ALK: variants seen among roughly 807,000 people sequenced by gnomAD.
ALK encodes the protein ALK tyrosine kinase receptor.
Under a neutral mutation model 163.1 loss-of-function variants are expected in ALK, and 74 were observed. The observed-to-expected ratio is 0.45, with a 90% CI of 0.38 to 0.55. ALK has a LOEUF of 0.55. ALK is among the 20% of genes least tolerant of loss of function. ALK has a pLI of 0.00. For synonymous variants in ALK, 960 were observed against 843.2 expected (o/e 1.14, Z -2.40); for missense variants, 2,063 against 2,105.3 (o/e 0.98, Z 0.39).
chr2:29,310,331 A>G (rs1666662138), intron 8 of ALK, among the ~76,000 whole-genome samples: 1 of 152,176 alleles, frequency 6.6e-6, no homozygotes. Flanking sequence ...TGTAGGTGAA[A>G]TGCTTAGCAT....
At chr2:29,410,268 G>A (rs1669696465) in intron 4 of ALK, among the ~76,000 whole-genome samples, 1 of 151,992 alleles carries the variant, frequency 6.6e-6, no homozygotes, top group Admixed American at 6.5e-5. Context: ...TGAGATAGAT[G>A]CATATGTGAT....
At chr2:29,890,776 G>A (rs10201054) in intron 1 of ALK, 41,564 of 152,074 alleles carry the variant, frequency 0.27, 6,098 homozygotes, top group East Asian at 0.57. Flanking sequence ...GTAGCTAACC[G>A]TTCCCTTGCC....
intron 1 of ALK, among the ~76,000 whole-genome samples, chr2:29,855,503 C>T (rs549309607): frequency 6.6e-6 from 1 of 152,118 alleles, no homozygotes; most frequent in Non-Finnish European, 1.5e-5. Context: ...AAGATGAGAA[C>T]CTTGATTAAT....
chr2:29,510,205 A>T (rs1672472572), intron 4 of ALK, among the ~76,000 whole-genome samples: 1 of 152,190 alleles, frequency 6.6e-6, no homozygotes, highest in Admixed American at 6.5e-5. Flanking sequence ...AGTGACACAA[A>T]ACCTGTGGCT....
At chr2:29,400,651 G>C (rs1236709076) in intron 4 of ALK, among the ~76,000 whole-genome samples, 1 of 152,158 alleles carries the variant, frequency 6.6e-6, no homozygotes, top group Non-Finnish European at 1.5e-5. Flanking sequence ...CCTGAGTGCT[G>C]CCTCTCATTC....
At chr2:29,217,518 C>T (rs1362077005) in intron 23 of ALK, among the ~76,000 whole-genome samples, 1 of 152,044 alleles carries the variant, frequency 6.6e-6, no homozygotes, top group Non-Finnish European at 1.5e-5. Flanking sequence ...ATTTCGTTTC[C>T]ACAACAGGCA....
Position 29,465,873 on chromosome 2 carries a change from GA to G in ALK, c.1154+66041del, listed in dbSNP as rs537856323. 5.9e-3 allele frequency among the ~76,000 whole-genome samples: 903 copies of G among 152,092 alleles called. 5 individuals carry two copies. Among genetic ancestry groups the G allele is most frequent in the Middle Eastern group, 0.02 (6 of 294 alleles). ...CCTTTAAAAGATTTGAATGCTTAATGAAAAAATAATGGCAATATATTATGAG... is the reference window on the plus strand; with the variant it reads ...CCTTTAAAAGATTTGAATGCTTAATGAAAAATAATGGCAATATATTATGAG... On this transcript the variant is annotated intron_variant, in intron 4 of 28. Transcript: ENST00000389048.
intron 4 of ALK, among the ~76,000 whole-genome samples, chr2:29,442,321 T>C (rs80028855): frequency 6.8e-6 from 1 of 147,376 alleles, no homozygotes; most frequent in Non-Finnish European, 1.5e-5. Context: ...AAAAAAAAAA[T>C]GTTGAGACTT....
chr2:29,434,947 T>C (rs938018121), intron 4 of ALK, among the ~76,000 whole-genome samples: 12 of 152,182 alleles, frequency 7.9e-5, no homozygotes, highest in South Asian at 2.1e-4. Flanking sequence ...ATTTCATAGA[T>C]AAGGAAACTG....
chr2:29,668,167 ATTCT>A (rs1451937810), intron 3 of ALK, among the ~76,000 whole-genome samples: 5 of 151,880 alleles, frequency 3.3e-5, no homozygotes, highest in Non-Finnish European at 7.4e-5. Context: ...TTATTTGAGT[ATTCT>A]TTCTTTTTTT....
intron 3 of ALK, among the ~76,000 whole-genome samples, chr2:29,636,054 A>G (rs546233058): frequency 6.6e-6 from 1 of 152,352 alleles, no homozygotes; most frequent in East Asian, 1.9e-4. Flanking sequence ...AAAAGGAACT[A>G]GAATAGCTAA....
At chr2:29,430,275 G>A (rs1195417530) in intron 4 of ALK, among the ~76,000 whole-genome samples, 1 of 152,042 alleles carries the variant, frequency 6.6e-6, no homozygotes, top group Admixed American at 6.6e-5. Context: ...TCACAGATGG[G>A]GAGAAAATAT....
At chr2:29,813,981 T>G (rs1664824377) in intron 1 of ALK, among the ~76,000 whole-genome samples, 1 of 152,262 alleles carries the variant, frequency 6.6e-6, no homozygotes, top group South Asian at 2.1e-4. Flanking sequence ...CGAGAGGCTA[T>G]CTCTTTAAAC....
At chr2:29,854,002 T>C (rs1666076189) in intron 1 of ALK, among the ~76,000 whole-genome samples, 1 of 151,720 alleles carries the variant, frequency 6.6e-6, no homozygotes, top group South Asian at 2.1e-4. Flanking sequence ...CTTCACCTCC[T>C]GGATTCAAGT....
chr2:29,569,563 TCC>T (rs869268912), intron 3 of ALK, among the ~76,000 whole-genome samples: 25 of 76,010 alleles, frequency 3.3e-4, no homozygotes, highest in African/African-American at 1.0e-3. Context: ...TCCCTTTTCT[TCC>T]CCCCCCCTAG....
intron 3 of ALK, among the ~76,000 whole-genome samples, chr2:29,694,138 T>C (rs1433736308): frequency 6.6e-6 from 1 of 152,224 alleles, no homozygotes; most frequent in East Asian, 1.9e-4. Flanking sequence ...TAGAGCTTAG[T>C]GCCTTCATGT....
At chr2:29,712,157 G>A (rs1679122794) in intron 2 of ALK, among the ~76,000 whole-genome samples, 1 of 152,168 alleles carries the variant, frequency 6.6e-6, no homozygotes, top group African/African-American at 2.4e-5. Flanking sequence ...TTGGCTCCCA[G>A]CAGGTCAGGG....
At chr2:29,323,788 T>C (rs1439236365) in intron 6 of ALK, among the ~76,000 whole-genome samples, 4 of 152,206 alleles carry the variant, frequency 2.6e-5, no homozygotes, top group Non-Finnish European at 5.9e-5. Context: ...TTGGGTCTAA[T>C]GGTATCAACT....
At chr2:29,226,305 C>G (rs1278212186) in intron 18 of ALK, among the ~76,000 whole-genome samples, 15 of 151,882 alleles carry the variant, frequency 9.9e-5, no homozygotes, top group Admixed American at 9.8e-4. Flanking sequence ...AGGTGAAACC[C>G]TGTCTCTACT....
Sources: allele counts gnomAD v4.1 joint callset (sites outside exome capture counted in the v4.1 genomes callset), GRCh38; gene constraint gnomAD v4.1.1; transcripts MANE v1.5; gene names NCBI Gene and HGNC (gene_info 2026-07-23, HGNC 2026-07-21).